SH3PXD2B: variants seen among roughly 807,000 people sequenced by gnomAD.
SH3PXD2B encodes SH3 and PX domain-containing protein 2B.
A neutral mutation model predicts 73.1 loss-of-function variants in SH3PXD2B; 37 were observed. The observed-to-expected ratio is 0.51, with a 90% confidence interval of 0.39 to 0.67. The LOEUF is 0.67. Among genes scored for constraint, SH3PXD2B ranks in the 30% least tolerant of loss-of-function variants. The pLI, the probability that SH3PXD2B is intolerant of heterozygous loss-of-function variation, is 0.00. For missense variants in SH3PXD2B, 1,053 were observed against 1,197.8 expected (o/e 0.88, Z 1.78); for synonymous variants, 457 against 480.5 (o/e 0.95, Z 0.64).
chr5:172,329,049 G>A (rs60358090), downstream of SH3PXD2B, among the ~76,000 whole-genome samples: 63,488 of 114,382 alleles, frequency 0.56, 18,629 homozygotes, highest in South Asian at 0.81. Flanking sequence ...ATATGTATGT[G>A]TGTGTGTGTG....
intron 1 of SH3PXD2B, among the ~76,000 whole-genome samples, chr5:172,449,942 C>T (rs1318685985): frequency 6.6e-6 from 1 of 152,118 alleles, no homozygotes; most frequent in Non-Finnish European, 1.5e-5. Context: ...CTAGCTGGAT[C>T]GACATAGATC....
chr5:172,326,046 C>T (rs13160730), intron 12 of SH3PXD2B, among the ~76,000 whole-genome samples: 72,478 of 152,146 alleles, frequency 0.48, 18,200 homozygotes, highest in South Asian at 0.73. Flanking sequence ...CTCAGCCTCC[C>T]GAAGTGTTGG....
chr5:172,448,474 T>C (rs979736382), intron 1 of SH3PXD2B, among the ~76,000 whole-genome samples: 1 of 152,176 alleles, frequency 6.6e-6, no homozygotes, highest in South Asian at 2.1e-4. Flanking sequence ...GTGCCTTTTA[T>C]ACCCATGAGG....
intron 3 of SH3PXD2B, among the ~76,000 whole-genome samples, chr5:172,399,846 T>C (rs1758387854): frequency 1.3e-5 from 2 of 152,228 alleles, no homozygotes; most frequent in South Asian, 4.1e-4. Context: ...AAAATTATTC[T>C]TATTGGGCTT....
chr5:172,384,906 C>T (rs879516033), intron 4 of SH3PXD2B, among the ~76,000 whole-genome samples: 1 of 152,152 alleles, frequency 6.6e-6, no homozygotes, highest in African/African-American at 2.4e-5. Context: ...TGGTCACTGT[C>T]CACCCTTCCA....
chr5:172,338,917 G>A lies in SH3PXD2B; in HGVS notation c.2188C>T (p.Pro730Ser). ...GGATCTGTGGTCTTGGCTGGCCTCG[G>A]AGGGGCTCTGCAGGAAATCTCTTTT... ...SPKEISCRAP[P>S]RPAKTTDPVS... Residue 730 changes from proline (P) to serine (S), a missense_variant, in exon 13 of 13, where the codon CCG becomes TCG. By Grantham distance (74) the Pro-to-Ser change is moderately conservative (BLOSUM62 -1). Around this residue, in one of 2 missense-constraint regions of SH3PXD2B, gnomAD observed 587 missense variants for 590.7 expected, o/e 0.99. Coordinates refer to ENST00000311601, the MANE Select transcript of SH3PXD2B (RefSeq NM_001017995.3). The surrounding 1 kb of genome is among the most constrained non-coding windows in gnomAD (Gnocchi z 5.1). The A allele has an allele frequency of 6.2e-7, 1 of 1,614,110 alleles. No homozygotes were observed. The highest frequency in any genetic ancestry group is 1.3e-5 in the African/African-American group (1 of 75,068).
At chr5:172,329,365 T>C (rs866802132), downstream of SH3PXD2B, among the ~76,000 whole-genome samples, 1 of 151,536 alleles carries the variant, frequency 6.6e-6, no homozygotes. Context: ...ATTACAGGCA[T>C]GAGCCACTGC....
chr5:172,437,121 T>C (rs1759409354), intron 1 of SH3PXD2B, among the ~76,000 whole-genome samples: 1 of 151,912 alleles, frequency 6.6e-6, no homozygotes. Context: ...GGTGGATAAG[T>C]ATGGTCCTCG....
intron 3 of SH3PXD2B, among the ~76,000 whole-genome samples, chr5:172,398,786 G>T (rs920453125): frequency 1.3e-5 from 2 of 152,154 alleles, no homozygotes; most frequent in African/African-American, 4.8e-5. Context: ...TCTACACCAT[G>T]GGGAGATTCC....
intron 7 of SH3PXD2B, among the ~76,000 whole-genome samples, 195 bp from the exon 8 acceptor site, chr5:172,359,072 C>A (rs1316735425): frequency 2.6e-5 from 4 of 152,076 alleles, no homozygotes; most frequent in African/African-American, 9.7e-5. Flanking sequence ...GCTCCTGAGC[C>A]TGGGACAGGG....
chr5:172,444,086 C>T (rs1054385061), intron 1 of SH3PXD2B, among the ~76,000 whole-genome samples: 21 of 152,228 alleles, frequency 1.4e-4, no homozygotes, highest in African/African-American at 4.8e-4. Flanking sequence ...TCTCCTTCCA[C>T]AACTATCCCT....
rs1759642857 is a variant in SH3PXD2B at position 172,445,595 on chromosome 5, C to T, written c.75+8683G>A. Among the ~76,000 whole-genome samples, 1 of 152,212 alleles carries T rather than the reference C, an allele frequency of 6.6e-6. No individual in the cohort carries two copies. Among genetic ancestry groups the T allele is most frequent in the Admixed American group, 6.5e-5 (1 of 15,290 alleles). On this transcript the variant is annotated intron_variant, in intron 1 of 12. Transcript: ENST00000311601. The surrounding 1 kb of genome is among the most constrained non-coding windows in gnomAD (Gnocchi z 5.2). ...TTTGCCAGATAAAGAATAGGATGAC[C>T]AGTAAAATCTGAATTTCGGATAAAC...
chr5:172,423,691 A>G (rs529227305), intron 1 of SH3PXD2B, among the ~76,000 whole-genome samples: 3 of 152,064 alleles, frequency 2.0e-5, no homozygotes, highest in Non-Finnish European at 4.4e-5. Context: ...TAGCTCTGTC[A>G]CCCAGGCTGG....
In SH3PXD2B at chr5:172,335,304, T is replaced by C; in HGVS notation, c.*3065A>G. ...TTGGCCTGTGACCTACTGAAATGTG[T>C]GAGCAAGGGGCGGGGGGAAGAGGCA... is the stretch of plus-strand genomic sequence containing the variant. On this transcript the variant is annotated 3_prime_UTR_variant, in exon 13 of 13. Coordinates refer to ENST00000311601, the MANE Select transcript of SH3PXD2B (RefSeq NM_001017995.3). The C allele has an allele frequency of 8.6e-7, 1 of 1,160,946 alleles. No individual in the cohort carries two copies. Among genetic ancestry groups the C allele is most frequent in the Non-Finnish European group, 1.1e-6 (1 of 943,802 alleles). 71.9% of individuals were successfully genotyped at this position (1,160,946 alleles called of 1,614,324 possible).
At chr5:172,399,208 T>C (rs1451187271) in intron 3 of SH3PXD2B, among the ~76,000 whole-genome samples, 1 of 152,246 alleles carries the variant, frequency 6.6e-6, no homozygotes, top group African/African-American at 2.4e-5. Context: ...AATTGTTTGA[T>C]TTTATAAAAA....
At chr5:172,331,865 G>A (rs924493146), downstream of SH3PXD2B, among the ~76,000 whole-genome samples, 7 of 152,214 alleles carry the variant, frequency 4.6e-5, no homozygotes, top group Admixed American at 6.5e-5. Flanking sequence ...AGAATCGCTC[G>A]AGCCTGGGAG....
At chr5:172,354,836 C>T (rs1757236150) in intron 8 of SH3PXD2B, among the ~76,000 whole-genome samples, 1 of 152,204 alleles carries the variant, frequency 6.6e-6, no homozygotes, top group African/African-American at 2.4e-5. Context: ...GGTCCCCCGA[C>T]CCCTGAAACT....
chr5:172,336,909 C>T lies in SH3PXD2B; in HGVS notation c.*1460G>A, dbSNP rs554067971. 203 of 985,244 alleles carry T rather than the reference C, an allele frequency of 2.1e-4. 1 individual carries two copies. Among genetic ancestry groups the T allele is most frequent in the Middle Eastern group, 1.5e-3 (3 of 1,936 alleles). 61.0% of individuals were successfully genotyped at this position (985,244 alleles called of 1,614,324 possible). ...AAGGGAGAAAACAGATTTGGCAGTG[C>T]GTGAAAAAAGAAAAAAACATTACAA... On this transcript the variant is annotated 3_prime_UTR_variant, in exon 13 of 13. Transcript: ENST00000311601.
chr5:172,421,702 G>T lies in SH3PXD2B; in HGVS notation c.156+714C>A, dbSNP rs543746432. On this transcript the variant is annotated intron_variant, in intron 2 of 12. Coordinates refer to ENST00000311601, the MANE Select transcript of SH3PXD2B (RefSeq NM_001017995.3). This position sits in a 1 kb window ranked among gnomAD's most constrained non-coding sequence, Gnocchi z 4.0. ...CCGGGAAGGCACAGGAGTGTGTGGG[G>T]AGGGCAAAGGCCTGTGGAGAGAGGC... is the stretch of plus-strand genomic sequence containing the variant. Among the ~76,000 whole-genome samples the T allele has an allele frequency of 6.6e-6, 1 of 152,330 alleles. No homozygotes were observed. The highest frequency in any genetic ancestry group is 6.5e-5 in the Admixed American group (1 of 15,306).
Sources: allele counts gnomAD v4.1 joint callset (sites outside exome capture counted in the v4.1 genomes callset), GRCh38; gene constraint gnomAD v4.1.1; regional missense constraint gnomAD v4.1.1; non-coding constraint Gnocchi (gnomAD v3.1); transcripts MANE v1.5; gene names NCBI Gene and HGNC (gene_info 2026-07-23, HGNC 2026-07-21).